The following CTIF variants were observed in gnomAD, a reference collection of about 807,000 sequenced individuals.
The protein encoded by CTIF is CBP80/20-dependent translation initiation factor.
In CTIF, 21 loss-of-function variants were observed where a neutral mutation model predicts 66.0. The observed-to-expected ratio is 0.32, with a 90% CI of 0.23 to 0.46. The LOEUF (loss-of-function observed/expected upper bound fraction) is 0.46. Among genes scored for constraint, CTIF ranks in the 20% least tolerant of loss-of-function variants. CTIF has a pLI of 1.00. For missense variants in CTIF, 739 were observed against 812.7 expected (o/e 0.91, Z 1.10); for synonymous variants, 345 against 326.4 (o/e 1.06, Z -0.62).
chr18:48,767,255 G>A (rs371423443), intron 9 of CTIF, among the ~76,000 whole-genome samples: 108 of 152,310 alleles, frequency 7.1e-4, no homozygotes, highest in South Asian at 2.1e-3. Flanking sequence ...GATACAGGGC[G>A]GTGAAGGGGC....
At chr18:48,554,103 C>T (rs571526890) in intron 1 of CTIF, among the ~76,000 whole-genome samples, 4 of 152,260 alleles carry the variant, frequency 2.6e-5, no homozygotes, top group African/African-American at 7.2e-5. Context: ...AGTGGCTGTC[C>T]GCCAGTGTGA....
intron 2 of CTIF, among the ~76,000 whole-genome samples, chr18:48,629,769 G>C (rs2090668950): frequency 6.6e-6 from 1 of 152,134 alleles, no homozygotes; most frequent in Non-Finnish European, 1.5e-5. Context: ...CTTTTTGGCT[G>C]TGTATTCCTG....
chr18:48,832,044 C>T (rs79702045), intron 10 of CTIF, among the ~76,000 whole-genome samples: 90 of 152,268 alleles, frequency 5.9e-4, no homozygotes, highest in South Asian at 1.0e-3. Context: ...AAGTACTTTT[C>T]ATAGCCTCTC....
At position 48,741,541 on chromosome 18, in the gene CTIF, G is replaced by A. The variant is rs567940596; in HGVS notation, c.585-16378G>A. ...CAGGTTCAAGTATTCTTCTGCCTCA[G>A]CCTCCTGAAGAGCTGGGATTACAGG... On this transcript the variant is annotated intron_variant, in intron 7 of 11. Transcript: ENST00000256413. Among the ~76,000 whole-genome samples, 84 of 150,308 alleles carry A rather than the reference G, an allele frequency of 5.6e-4. 2 individuals carry two copies. The highest frequency in any genetic ancestry group is 1.1e-3 in the Non-Finnish European group (76 of 67,888).
At chr18:48,615,544 G>T (rs2090383454) in intron 1 of CTIF, among the ~76,000 whole-genome samples, 1 of 152,246 alleles carries the variant, frequency 6.6e-6, no homozygotes, top group Non-Finnish European at 1.5e-5. Context: ...CAAGTGAGGG[G>T]GGCTAGGGAT....
chr18:48,618,933 A>G (rs2090444816), intron 1 of CTIF, among the ~76,000 whole-genome samples: 1 of 152,084 alleles, frequency 6.6e-6, no homozygotes, highest in Admixed American at 6.6e-5. Flanking sequence ...GTTCCTGCAG[A>G]CTCACCATAG....
intron 6 of CTIF, among the ~76,000 whole-genome samples, chr18:48,704,241 C>T (rs1209602662): frequency 2.0e-5 from 3 of 152,152 alleles, no homozygotes; most frequent in African/African-American, 7.2e-5. Flanking sequence ...AAGACACAGG[C>T]TTCCTGCTAA....
intron 1 of CTIF, among the ~76,000 whole-genome samples, chr18:48,579,854 A>G (rs752019986): frequency 4.6e-5 from 7 of 152,194 alleles, no homozygotes; most frequent in Non-Finnish European, 8.8e-5. Context: ...TTTCATGCCT[A>G]TATTTCTGAC....
At chr18:48,618,249 T>C (rs1428971034) in intron 1 of CTIF, among the ~76,000 whole-genome samples, 1 of 152,232 alleles carries the variant, frequency 6.6e-6, no homozygotes, top group Non-Finnish European at 1.5e-5. Flanking sequence ...AGTTTTGAAA[T>C]TCAAATGCTC....
intron 10 of CTIF, among the ~76,000 whole-genome samples, chr18:48,854,574 A>G (rs2069282914): frequency 6.6e-6 from 1 of 152,112 alleles, no homozygotes; most frequent in South Asian, 2.1e-4. Flanking sequence ...ATGCCTGGCC[A>G]GGTCCCTCAA....
At chr18:48,700,493 G>A (rs573037651) in intron 6 of CTIF, among the ~76,000 whole-genome samples, 7 of 152,356 alleles carry the variant, frequency 4.6e-5, no homozygotes, top group Admixed American at 6.5e-5. Context: ...CCGGCACAGC[G>A]GGGTACACCT....
chr18:48,619,196 G>A (rs766702492), intron 1 of CTIF, among the ~76,000 whole-genome samples: 13 of 152,196 alleles, frequency 8.5e-5, no homozygotes, highest in Non-Finnish European at 1.5e-4. Context: ...GAGTCAGGAA[G>A]TGAGGCTTGG....
intron 7 of CTIF, among the ~76,000 whole-genome samples, chr18:48,727,300 C>T (rs968751283): frequency 6.6e-6 from 1 of 152,214 alleles, no homozygotes; most frequent in African/African-American, 2.4e-5. Flanking sequence ...AAGGCTGTCT[C>T]CGCCCTCTGC....
intron 7 of CTIF, among the ~76,000 whole-genome samples, chr18:48,719,539 C>T (rs187452746): frequency 9.0e-4 from 137 of 152,290 alleles, no homozygotes; most frequent in African/African-American, 3.2e-3. Context: ...TTTGCACATT[C>T]GCCTACTTGT....
chr18:48,563,735 G>A (rs1031192646), intron 1 of CTIF, among the ~76,000 whole-genome samples: 2 of 152,224 alleles, frequency 1.3e-5, no homozygotes, highest in African/African-American at 4.8e-5. Flanking sequence ...GCCTTCCAAA[G>A]TGCTGGGATT....
intron 1 of CTIF, among the ~76,000 whole-genome samples, chr18:48,561,326 C>T (rs1317930253): frequency 6.6e-6 from 1 of 151,956 alleles, no homozygotes; most frequent in South Asian, 2.1e-4. Context: ...GCTTGAAGCC[C>T]CTTTTATATG....
chr18:48,844,958 C>T (rs2069036435), intron 10 of CTIF, among the ~76,000 whole-genome samples: 1 of 152,130 alleles, frequency 6.6e-6, no homozygotes, highest in African/African-American at 2.4e-5. Context: ...TCCTCTTCTC[C>T]TGCACTCTGG....
chr18:48,702,743 G>A (rs1027195682), intron 6 of CTIF, among the ~76,000 whole-genome samples: 2 of 152,204 alleles, frequency 1.3e-5, no homozygotes, highest in African/African-American at 4.8e-5. Flanking sequence ...AAGCATGGGT[G>A]AGCCTGCCCA....
chr18:48,771,002 C>A lies in CTIF; in HGVS notation c.1371+9313C>A, dbSNP rs149292593. On this transcript the variant is annotated intron_variant, in intron 9 of 11. Transcript: ENST00000256413. Reference sequence around the variant, plus strand: ...TTGGGCAGCATTTCCATTTCCCCCCCCTACGCTGATTAAATGTGGAACAAT... The same window carrying A: ...TTGGGCAGCATTTCCATTTCCCCCCACTACGCTGATTAAATGTGGAACAAT... Among the ~76,000 whole-genome samples the A allele has an allele frequency of 1.3e-3, 199 of 152,238 alleles. 1 individual carries two copies. Among genetic ancestry groups the A allele is most frequent in the African/African-American group, 4.2e-3 (174 of 41,544 alleles).
Sources: gnomAD v4.1 joint callset for allele counts (sites outside exome capture counted in the v4.1 genomes callset) on GRCh38, gnomAD v4.1.1 for gene constraint, MANE v1.5 for transcripts, NCBI Gene and HGNC (gene_info 2026-07-23, HGNC 2026-07-21) for gene names.